PLEKHG6: variants seen among roughly 807,000 people sequenced by gnomAD.
PLEKHG6 encodes pleckstrin homology domain-containing family G member 6.
Under a neutral mutation model 97.5 loss-of-function variants are expected in PLEKHG6, and 91 were observed. The ratio of observed to expected loss-of-function variants is 0.93; its 90% CI spans 0.79 to 1.11. PLEKHG6 has a LOEUF of 1.11. Ranked by LOEUF, PLEKHG6 falls within the 50% of genes most tolerant of loss-of-function variation. The pLI is 0.00. For missense variants in PLEKHG6, 1,044 were observed against 1,031.0 expected (o/e 1.01, Z -0.17); for synonymous variants, 466 against 425.5 (o/e 1.10, Z -1.17).
chr12:6,314,765 G>C (rs112851252), intron 3 of PLEKHG6, among the ~76,000 whole-genome samples: 7 of 152,174 alleles, frequency 4.6e-5, no homozygotes, highest in African/African-American at 1.4e-4. Flanking sequence ...CACAGACCAG[G>C]GTGCCTCTTC....
intron 13 of PLEKHG6, 73 bp downstream of exon 13, chr12:6,319,181 A>G (rs996213937): frequency 2.1e-6 from 2 of 967,622 alleles, no homozygotes; most frequent in African/African-American, 3.2e-5. Context: ...ACAGTGGTGG[A>G]TCACACCTGT....
rs1044301409 is a variant in PLEKHG6, at chr12:6,316,155, G to C, written c.607-100G>C. Reference sequence around the variant, plus strand: ...GCCCAGTTCATCCTTCTTCACCCCCGCCCCTGCTGTCCAAGCTTAAGGTCC... The same window carrying C: ...GCCCAGTTCATCCTTCTTCACCCCCCCCCCTGCTGTCCAAGCTTAAGGTCC... On this transcript the variant is annotated intron_variant, in intron 6 of 15. Transcript: ENST00000684764. This position sits in a 1 kb window ranked among gnomAD's most constrained non-coding sequence, Gnocchi z 4.1. The C allele has an allele frequency of 2.1e-5, 25 of 1,209,698 alleles. No individual in the cohort carries two copies. Among genetic ancestry groups the C allele is most frequent in the African/African-American group, 3.1e-5 (2 of 65,194 alleles). 74.9% of individuals were successfully genotyped at this position (1,209,698 alleles called of 1,614,324 possible).
chr12:6,320,260 G>A (rs1947659732), intron 13 of PLEKHG6, among the ~76,000 whole-genome samples: 1 of 152,136 alleles, frequency 6.6e-6, no homozygotes, highest in South Asian at 2.1e-4. Context: ...GGAGTGATGT[G>A]AGCAGATAAA....
chr12:6,314,028 GT>G (rs1408419452), intron 3 of PLEKHG6, among the ~76,000 whole-genome samples: 1 of 152,216 alleles, frequency 6.6e-6, no homozygotes, highest in East Asian at 1.9e-4. Context: ...TGAGCTTTCA[GT>G]TTTTGAAAAC....
intron 15 of PLEKHG6, 90 bp downstream of exon 15, chr12:6,328,036 G>T: frequency 6.3e-7 from 1 of 1,583,790 alleles, no homozygotes; most frequent in Non-Finnish European, 8.7e-7. Flanking sequence ...GGCAAAGCAG[G>T]AACAGGGGCT....
At chr12:6,326,698 G>T in intron 14 of PLEKHG6, 125 bp downstream of exon 14, 1 of 917,574 alleles carries the variant, frequency 1.1e-6, no homozygotes. Flanking sequence ...GCGTAGGGCA[G>T]GGTAGGGAAG....
intron 2 of PLEKHG6, 191 bp downstream of exon 2, chr12:6,312,555 C>A (rs751116408): frequency 7.7e-5 from 91 of 1,174,300 alleles, no homozygotes; most frequent in Non-Finnish European, 9.8e-5. Context: ...ACACCCCAGT[C>A]CCAGCAGCTG....
intron 13 of PLEKHG6, among the ~76,000 whole-genome samples, chr12:6,322,465 C>A (rs534643579): frequency 6.6e-6 from 1 of 152,300 alleles, no homozygotes; most frequent in African/African-American, 2.4e-5. Flanking sequence ...CCCCTGCTTC[C>A]GGCTCGGTTC....
chr12:6,316,547 C>T lies in PLEKHG6; in HGVS notation c.756+143C>T. The T allele has an allele frequency of 5.8e-6, 4 of 694,002 alleles. No homozygotes were observed. In the South Asian group the frequency reaches 8.6e-5, roughly 15 times the overall value. 43.0% of individuals were successfully genotyped at this position (694,002 alleles called of 1,614,324 possible). ...AGCCCCTACCCCTAATATCACCTCA[C>T]CTCCTCCCTTCATGCCACAAGTCTG... On this transcript the variant is annotated intron_variant, in intron 7 of 15. Coordinates refer to ENST00000684764, the MANE Select transcript of PLEKHG6 (RefSeq NM_001384598.1). This position sits in a 1 kb window ranked among gnomAD's most constrained non-coding sequence, Gnocchi z 4.1.
intron 13 of PLEKHG6, 151 bp from the exon 14 acceptor site, chr12:6,326,277 T>G (rs1482582695): frequency 2.3e-6 from 1 of 432,668 alleles, no homozygotes; most frequent in Non-Finnish European, 3.9e-6. Context: ...TGCACTCTAG[T>G]CTGGGTGACA....
At position 6,319,373 on chromosome 12, in the gene PLEKHG6, G is replaced by A. The variant is rs1020358566; in HGVS notation, c.1524+265G>A. 4.7e-5 allele frequency: 32 copies of A among 680,290 alleles called. No individual in the cohort carries two copies. The East Asian group carries it at 6.0e-4, about 13-fold the overall frequency. The allele number at this position is 680,290 out of a possible 1,614,324, so 42.1% of individuals were successfully genotyped here. On this transcript the variant is annotated intron_variant, in intron 13 of 15. Transcript: ENST00000684764. Reference sequence around the variant, plus strand: ...TGAGGCAGGAGAATCACTTGAGCCCGGGAAGTGGAGGTTGCAGTGACCTGA... The same window carrying A: ...TGAGGCAGGAGAATCACTTGAGCCCAGGAAGTGGAGGTTGCAGTGACCTGA...
At chr12:6,322,239 C>T (rs530221065) in intron 13 of PLEKHG6, among the ~76,000 whole-genome samples, 67 of 152,346 alleles carry the variant, frequency 4.4e-4, no homozygotes, top group African/African-American at 1.5e-3. Flanking sequence ...GTTATTGCTT[C>T]CTCAGTGAGG....
rs740842 is a variant in PLEKHG6, at chr12:6,312,329, G to A, written c.103G>A (p.Ala35Thr). Reference protein sequence around the residue: ...GRHRASAQSTAGRLYPRGYPV... With the variant: ...GRHRASAQSTTGRLYPRGYPV... Reference sequence around the variant, plus strand: ...GCATCGAGCCTCTGCTCAGAGCACTGCTGGCAGACTCTATCCCCGAGGATA... The same window carrying A: ...GCATCGAGCCTCTGCTCAGAGCACTACTGGCAGACTCTATCCCCGAGGATA... The change falls in exon 2 of 16, where the codon GCT becomes ACT. Residue 35 changes from alanine to threonine, a missense_variant. Coordinates refer to ENST00000684764, the MANE Select transcript of PLEKHG6 (RefSeq NM_001384598.1). 887,724 of 1,580,040 alleles carry A rather than the reference G, an allele frequency of 0.56. 253,835 individuals carry two copies. The highest frequency in any genetic ancestry group is 0.6 in the African/African-American group (43,352 of 72,262).
intron 13 of PLEKHG6, among the ~76,000 whole-genome samples, chr12:6,322,831 T>C (rs543712721): frequency 6.6e-6 from 1 of 152,126 alleles, no homozygotes; most frequent in South Asian, 2.1e-4. Flanking sequence ...CGGTGAGCTA[T>C]GTTCCCACCA....
In PLEKHG6 at chr12:6,327,452, C is replaced by A; in HGVS notation, c.1869C>A (p.Thr623=). 6.2e-7 allele frequency: 1 copy of A among 1,613,206 alleles called. No individual in the cohort carries two copies. Among genetic ancestry groups the A allele is most frequent in the Non-Finnish European group, 8.5e-7 (1 of 1,179,344 alleles). Residue 623 remains threonine, a synonymous_variant, in exon 15 of 16, where the codon ACC becomes ACA. Coordinates refer to ENST00000684764, the MANE Select transcript of PLEKHG6 (RefSeq NM_001384598.1). Reference sequence around the variant, plus strand: ...GGGACCCTCGCCTCACCTTCTCCACCCTGGAACTCCGGGACATCCCTCTGC... The same window carrying A: ...GGGACCCTCGCCTCACCTTCTCCACACTGGAACTCCGGGACATCCCTCTGC... ...LRRDPRLTFS[T]LELRDIPLRP...
At chr12:6,312,725 C>T in intron 2 of PLEKHG6, 2 of 1,164,764 alleles carry the variant, frequency 1.7e-6, no homozygotes, top group East Asian at 5.1e-5. Context: ...CTGAGATCTG[C>T]CTCTCCCTGA....
chr12:6,319,570 G>C (rs1947631474), intron 13 of PLEKHG6: 2 of 1,535,716 alleles, frequency 1.3e-6, no homozygotes, highest in Non-Finnish European at 1.7e-6. Flanking sequence ...ATGTGCCCCA[G>C]AGAGGGAGGC....
rs1273243896 is a variant in PLEKHG6, at chr12:6,316,657, C to A, written c.756+253C>A. On this transcript the variant is annotated intron_variant, in intron 7 of 15. Transcript: ENST00000684764. The surrounding 1 kb of genome is among the most constrained non-coding windows in gnomAD (Gnocchi z 4.1). ...GTCTCAGAGAAGGGTCACACCTTGG[C>A]TCCCATCAACTACAAAAGCTGGGTG... is the stretch of plus-strand genomic sequence containing the variant. Among the ~76,000 whole-genome samples the A allele has an allele frequency of 6.6e-6, 1 of 152,150 alleles. No individual in the cohort carries two copies. The highest frequency in any genetic ancestry group is 6.5e-5 in the Admixed American group (1 of 15,280).
intron 1 of PLEKHG6, among the ~76,000 whole-genome samples, chr12:6,311,301 G>A (rs1016856459): frequency 1.3e-5 from 2 of 152,194 alleles, no homozygotes; most frequent in East Asian, 3.9e-4. Flanking sequence ...CAGAGTCTGG[G>A]GAGGACCAAA....
Sources: gnomAD v4.1 joint callset for allele counts (sites outside exome capture counted in the v4.1 genomes callset) on GRCh38, gnomAD v4.1.1 for gene constraint, Gnocchi (gnomAD v3.1) non-coding constraint, MANE v1.5 for transcripts, NCBI Gene and HGNC (gene_info 2026-07-23, HGNC 2026-07-21) for gene names.